The following GNB1 variants were observed in gnomAD, a reference collection of about 807,000 sequenced individuals.
The protein encoded by GNB1 is G protein subunit beta 1.
GNB1 carries 2 observed loss-of-function variants against 42.9 expected under a neutral mutation model. The ratio of observed to expected loss-of-function variants is 0.05; its 90% confidence interval spans 0.02 to 0.15. The LOEUF (loss-of-function observed/expected upper bound fraction) is 0.15, where lower values mean the gene tolerates loss of function less well. Among genes scored for constraint, GNB1 ranks in the 10% least tolerant of loss-of-function variants. The probability of loss-of-function intolerance (pLI) is 1.00; values close to 1 mark genes in which losing one functional copy is unlikely to be tolerated. For missense variants in GNB1, 193 were observed against 462.2 expected, an observed-to-expected ratio of 0.42 and a Z score of 5.34; for synonymous variants, 183 against 174.7, an observed-to-expected ratio of 1.05 and a Z score of -0.38.
chr1:1,800,972 A>G (rs1190052201), intron 7 of GNB1, among the ~76,000 whole-genome samples: 4 of 152,250 alleles, frequency 2.6e-5, no homozygotes, highest in East Asian at 1.9e-4. Context: ...GCGCCTTTGC[A>G]GGAGAGCGGG....
At chr1:1,815,595 A>C (rs1298312208) in intron 5 of GNB1, among the ~76,000 whole-genome samples, 161 bp downstream of exon 5, 1 of 152,248 alleles carries the variant, frequency 6.6e-6, no homozygotes. Flanking sequence ...GACAGGGAAT[A>C]TGCACCTGTG....
chr1:1,789,340 A>G (rs1646449881), intron 9 of GNB1, 71 bp from the exon 10 acceptor site: 3 of 850,186 alleles, frequency 3.5e-6, no homozygotes, highest in African/African-American at 3.3e-5. Context: ...TGGATTGCTC[A>G]ATGGTAGGGC....
Position 1,839,877 on chromosome 1 carries a change from G to C in GNB1, c.-95-639C>G, listed in dbSNP as rs568777784. The stretch of plus-strand genomic sequence containing the variant: ...TCAAAACAAAAACACACAACAGTCT[G>C]GGCGCGGTGGCTCACATCTGTAATC... On this transcript the variant is annotated intron_variant, in intron 1 of 11. Coordinates refer to ENST00000378609, the MANE Select transcript of GNB1 (RefSeq NM_002074.5). 1.2e-3 allele frequency among the ~76,000 whole-genome samples: 176 copies of C among 151,940 alleles called. 1 individual carries two copies. Among genetic ancestry groups the C allele is most frequent in the Non-Finnish European group, 1.1e-3 (72 of 67,922 alleles).
chr1:1,866,515 T>C (rs1231134847), intron 1 of GNB1, among the ~76,000 whole-genome samples: 1 of 152,158 alleles, frequency 6.6e-6, no homozygotes, highest in African/African-American at 2.4e-5. Context: ...TTAACCAATC[T>C]ATTGATGGAC....
At position 1,796,838 on chromosome 1, in the gene GNB1, T is replaced by C. The variant is rs370481952; in HGVS notation, c.431-3527A>G. ...GTGTGAAGGGCTGTCCTGTGTCTCATAGGGACCACTGGCTATAGGGACAAG... is the reference window on the plus strand; with the variant it reads ...GTGTGAAGGGCTGTCCTGTGTCTCACAGGGACCACTGGCTATAGGGACAAG... On this transcript the variant is annotated intron_variant, in intron 7 of 11. Transcript: ENST00000378609. Among the ~76,000 whole-genome samples the C allele has an allele frequency of 1.6e-4, 25 of 152,238 alleles. No homozygotes were observed. The East Asian group carries it at 2.5e-3, about 15-fold the overall frequency.
Position 1,815,861 on chromosome 1 carries a change from A to G in GNB1, c.98T>C (p.Ile33Thr), listed in dbSNP as rs1203196298. Residue 33 changes from isoleucine (I) to threonine (T), a missense_variant and splice_region_variant, in exon 5 of 12, where the codon ATC (isoleucine) becomes ACC (threonine). By Grantham distance (89) the Ile-to-Thr change is moderately conservative. Transcript: ENST00000378609. ...TCCCACTGGGTCGATGTTGTTTGTG[A>G]TCTTGAAAATAAAAACATTTCTGTA... Reference protein sequence around the residue: ...KACADATLSQITNNIDPVGRI... With the variant: ...KACADATLSQTTNNIDPVGRI... 1 of 1,558,360 alleles carries G rather than the reference A, an allele frequency of 6.4e-7. No homozygotes were observed. Among genetic ancestry groups the G allele is most frequent in the Non-Finnish European group, 8.9e-7 (1 of 1,129,218 alleles).
intron 1 of GNB1, among the ~76,000 whole-genome samples, chr1:1,890,059 G>A (rs941475838): frequency 6.6e-6 from 1 of 152,162 alleles, no homozygotes; most frequent in African/African-American, 2.4e-5. Flanking sequence ...TCTTGGCGCG[G>A]CCACCGGGCC....
intron 3 of GNB1, 192 bp from the exon 4 acceptor site, chr1:1,818,067 CT>C: frequency 3.9e-6 from 2 of 509,138 alleles, no homozygotes; most frequent in Non-Finnish European, 7.3e-6. Context: ...CCAGGCCACG[CT>C]GAACAGAGAA....
At chr1:1,861,483 A>AC (rs1648625332) in intron 1 of GNB1, among the ~76,000 whole-genome samples, 1 of 151,652 alleles carries the variant, frequency 6.6e-6, no homozygotes, top group Admixed American at 6.6e-5. Context: ...AATAATAAAA[A>AC]CCCAGCAGGA....
At chr1:1,839,962 C>A (rs776214212) in intron 1 of GNB1, among the ~76,000 whole-genome samples, 12 of 151,820 alleles carry the variant, frequency 7.9e-5, no homozygotes, top group Non-Finnish European at 1.3e-4. Flanking sequence ...CGAGACCAGT[C>A]TGGCCAACGT....
At chr1:1,848,164 G>A (rs1354970159) in intron 1 of GNB1, among the ~76,000 whole-genome samples, 1 of 152,054 alleles carries the variant, frequency 6.6e-6, no homozygotes, top group Non-Finnish European at 1.5e-5. Context: ...CAGACCACGA[G>A]ATCAGGTGTT....
chr1:1,862,101 A>G (rs571222638), intron 1 of GNB1, among the ~76,000 whole-genome samples: 2 of 152,294 alleles, frequency 1.3e-5, no homozygotes, highest in South Asian at 4.1e-4. Flanking sequence ...GCACACCTGT[A>G]ATCCCAGCTA....
intron 1 of GNB1, among the ~76,000 whole-genome samples, chr1:1,861,457 AAATAAT>A (rs746339517): frequency 4.0e-5 from 6 of 151,426 alleles, no homozygotes; most frequent in South Asian, 2.1e-4. Context: ...ACTGTCTCAA[AAATAAT>A]AATAATAATA....
intron 1 of GNB1, among the ~76,000 whole-genome samples, chr1:1,871,092 T>C (rs911811200): frequency 2.0e-5 from 3 of 152,156 alleles, no homozygotes; most frequent in Admixed American, 6.6e-5. Context: ...TTGACTCCAA[T>C]CTGGCTTTCA....
At chr1:1,885,551 C>CTT (rs60651257) in intron 1 of GNB1, among the ~76,000 whole-genome samples, 22 of 94,072 alleles carry the variant, frequency 2.3e-4, no homozygotes, top group African/African-American at 4.2e-4. Flanking sequence ...TCCACTTAAT[C>CTT]TTTTTTTTTT....
At chr1:1,870,855 T>C (rs1331020594) in intron 1 of GNB1, among the ~76,000 whole-genome samples, 1 of 151,962 alleles carries the variant, frequency 6.6e-6, no homozygotes, top group Non-Finnish European at 1.5e-5. Context: ...GGAGAATCGC[T>C]TGAACCTGGG....
chr1:1,868,839 T>C (rs1338425454), intron 1 of GNB1, among the ~76,000 whole-genome samples: 1 of 151,782 alleles, frequency 6.6e-6, no homozygotes, highest in African/African-American at 2.4e-5. Context: ...ATGCCATTAG[T>C]GTATTTGCCT....
At chr1:1,869,497 G>T (rs1649130514) in intron 1 of GNB1, among the ~76,000 whole-genome samples, 1 of 152,136 alleles carries the variant, frequency 6.6e-6, no homozygotes, top group African/African-American at 2.4e-5. Flanking sequence ...AGCAACACAG[G>T]TCCATCAGGA....
intron 3 of GNB1, among the ~76,000 whole-genome samples, chr1:1,822,912 C>T (rs1346327654): frequency 6.6e-6 from 1 of 151,998 alleles, no homozygotes; most frequent in Non-Finnish European, 1.5e-5. Context: ...GCCAAATCAC[C>T]CTACTATTTA....
Sources: gnomAD v4.1 joint callset for allele counts (sites outside exome capture counted in the v4.1 genomes callset) on GRCh38, gnomAD v4.1.1 for gene constraint, MANE v1.5 for transcripts, NCBI Gene and HGNC (gene_info 2026-07-23, HGNC 2026-07-21) for gene names.